The following EYS variants were observed in gnomAD, a reference collection of about 807,000 sequenced individuals.
The protein encoded by EYS is EGF-like photoreceptor maintenance factor, also known as protein eyes shut homolog.
A neutral mutation model predicts 282.1 loss-of-function variants in EYS; 250 were observed. That is an observed-to-expected ratio of 0.89 (90% CI 0.80 to 0.98). EYS has a LOEUF of 0.98. EYS is among the 50% of genes least tolerant of loss of function. The pLI, the probability that EYS is intolerant of heterozygous loss-of-function variation, is 0.00. For synonymous variants in EYS, 1,355 were observed against 1,282.9 expected (o/e 1.06, Z -1.20); for missense variants, 4,016 against 3,709.0 (o/e 1.08, Z -2.15).
chr6:64,326,716 C>A (rs1026363398), intron 29 of EYS, among the ~76,000 whole-genome samples: 1 of 152,088 alleles, frequency 6.6e-6, no homozygotes, highest in African/African-American at 2.4e-5. Flanking sequence ...CTTGGCACTG[C>A]CAGGAGAGTT....
chr6:64,031,536 C>G (rs954198523), intron 33 of EYS, among the ~76,000 whole-genome samples: 3 of 152,232 alleles, frequency 2.0e-5, no homozygotes, highest in Non-Finnish European at 2.9e-5. Context: ...TGGCAGGCAG[C>G]TCCACCTGCG....
intron 13 of EYS, among the ~76,000 whole-genome samples, chr6:65,012,729 G>A (rs1771913164): frequency 6.8e-6 from 1 of 147,962 alleles, no homozygotes; most frequent in Non-Finnish European, 1.5e-5. Flanking sequence ...GCAGCAAATT[G>A]ATATCATTAG....
chr6:63,941,981 G>A (rs763567110), intron 35 of EYS, among the ~76,000 whole-genome samples: 1 of 152,154 alleles, frequency 6.6e-6, no homozygotes, highest in African/African-American at 2.4e-5. Context: ...GAACAATGCC[G>A]TTAGCCACCC....
chr6:65,163,591 AG>A lies in EYS; in HGVS notation c.2024-105865del, dbSNP rs1287653604. On this transcript the variant is annotated intron_variant, in intron 12 of 42. Coordinates refer to ENST00000503581, the MANE Select transcript of EYS (RefSeq NM_001142800.2). ...GTAAAAGGCATGTCTTTATTGACAAAGAAGGATTGCCAATATAGTTATTCTA... is the reference window on the plus strand; with the variant it reads ...GTAAAAGGCATGTCTTTATTGACAAAAAGGATTGCCAATATAGTTATTCTA... 2.6e-5 allele frequency among the ~76,000 whole-genome samples: 4 copies of A among 151,410 alleles called. No individual in the cohort carries two copies. In the South Asian group the frequency reaches 8.3e-4, roughly 31 times the overall value.
intron 1 of EYS, among the ~76,000 whole-genome samples, chr6:65,695,564 AAG>A (rs995008138): frequency 6.6e-6 from 1 of 152,046 alleles, no homozygotes; most frequent in African/African-American, 2.4e-5. Flanking sequence ...GTGAAGGAAA[AAG>A]AGAGAGGAAG....
intron 12 of EYS, among the ~76,000 whole-genome samples, chr6:65,186,856 G>A (rs1765528141): frequency 6.6e-6 from 1 of 151,710 alleles, no homozygotes; most frequent in African/African-American, 2.4e-5. Context: ...TGTCTTTGAT[G>A]ATATTGGATA....
chr6:64,809,491 A>G (rs1371214229), intron 22 of EYS, among the ~76,000 whole-genome samples: 3 of 152,044 alleles, frequency 2.0e-5, no homozygotes, highest in Non-Finnish European at 4.4e-5. Context: ...AAATATAAAA[A>G]CTGAAAAAAG....
At chr6:65,243,565 C>T (rs994403517) in intron 12 of EYS, among the ~76,000 whole-genome samples, 4 of 152,090 alleles carry the variant, frequency 2.6e-5, no homozygotes, top group Non-Finnish European at 5.9e-5. Context: ...AGGTGTTTCT[C>T]CCTTTTTTGT....
intron 35 of EYS, among the ~76,000 whole-genome samples, chr6:63,940,619 C>G (rs896642314): frequency 6.6e-6 from 1 of 151,032 alleles, no homozygotes; most frequent in African/African-American, 2.4e-5. Flanking sequence ...CTGATGAGTT[C>G]GCAGATGCCA....
At chr6:64,772,112 T>G (rs909629509) in intron 22 of EYS, among the ~76,000 whole-genome samples, 3 of 151,776 alleles carry the variant, frequency 2.0e-5, no homozygotes, top group Non-Finnish European at 3.0e-5. Context: ...ATTAATTTTA[T>G]AAAAATATAT....
At chr6:64,193,549 C>G (rs141783434) in intron 31 of EYS, among the ~76,000 whole-genome samples, 4,151 of 151,906 alleles carry the variant, frequency 0.027, 62 homozygotes, top group African/African-American at 0.043. Context: ...TGTGCACAAC[C>G]TGCAGGTTTG....
intron 5 of EYS, among the ~76,000 whole-genome samples, chr6:65,472,090 T>A (rs1056494024): frequency 6.6e-6 from 1 of 152,128 alleles, no homozygotes; most frequent in Non-Finnish European, 1.5e-5. Flanking sequence ...CATCATATTG[T>A]CAGTTTCCAT....
chr6:64,962,996 T>C (rs1191662540), intron 14 of EYS, among the ~76,000 whole-genome samples: 1 of 152,210 alleles, frequency 6.6e-6, no homozygotes, highest in African/African-American at 2.4e-5. Flanking sequence ...GAATGATATT[T>C]TCTATGTAGT....
At chr6:64,115,474 A>G (rs1363668178) in intron 31 of EYS, among the ~76,000 whole-genome samples, 1 of 152,162 alleles carries the variant, frequency 6.6e-6, no homozygotes, top group Non-Finnish European at 1.5e-5. Context: ...AAAAAGAGAT[A>G]AGGAGGACTC....
intron 29 of EYS, among the ~76,000 whole-genome samples, chr6:64,347,212 T>C (rs185168508): frequency 3.1e-3 from 475 of 151,580 alleles, no homozygotes; most frequent in Non-Finnish European, 4.7e-3. Flanking sequence ...AATTACAATA[T>C]ATCTACCTGA....
chr6:64,746,132 T>C (rs1393820198), intron 22 of EYS, among the ~76,000 whole-genome samples: 1 of 152,094 alleles, frequency 6.6e-6, no homozygotes, highest in East Asian at 1.9e-4. Flanking sequence ...TGAATATTGT[T>C]ACAAGGGCAA....
chr6:63,721,553 T>C lies in EYS; in HGVS notation c.8478A>G (p.Val2826=). 1 of 1,551,812 alleles carries C rather than the reference T, an allele frequency of 6.4e-7. No individual in the cohort carries two copies. The highest frequency in any genetic ancestry group is 8.7e-7 in the Non-Finnish European group (1 of 1,146,878). ...DTNTDFYIGG[V]SSLNLVNPMA... is the part of the protein sequence containing the mutation. Reference sequence around the variant, plus strand: ...TGGGATTTACAAGATTTAAAGAAGATACTCCTCCAATATAGAAGTCTGTAT... The same window carrying C: ...TGGGATTTACAAGATTTAAAGAAGACACTCCTCCAATATAGAAGTCTGTAT... The change falls in exon 43 of 43, where the codon GTA becomes GTG. Residue 2826 remains valine (V), a synonymous_variant. Transcript: ENST00000503581.
chr6:64,418,559 C>G (rs1253379616), intron 28 of EYS, among the ~76,000 whole-genome samples: 1 of 152,214 alleles, frequency 6.6e-6, no homozygotes, highest in Non-Finnish European at 1.5e-5. Flanking sequence ...CCTGCACCAT[C>G]TATGCCTTGG....
intron 30 of EYS, among the ~76,000 whole-genome samples, chr6:64,233,211 G>T (rs182801169): frequency 1.3e-5 from 2 of 152,104 alleles, no homozygotes; most frequent in Admixed American, 6.6e-5. Flanking sequence ...GCTATCAATT[G>T]ATCCGAAAAC....
Sources: allele counts gnomAD v4.1 joint callset (sites outside exome capture counted in the v4.1 genomes callset), GRCh38; gene constraint gnomAD v4.1.1; transcripts MANE v1.5; gene names NCBI Gene and HGNC (gene_info 2026-07-23, HGNC 2026-07-21).